PRDM11: variants seen among roughly 807,000 people sequenced by gnomAD.
The protein encoded by PRDM11 is PR domain-containing protein 11.
A neutral mutation model predicts 97.8 loss-of-function variants in PRDM11; 20 were observed. That is an observed-to-expected ratio of 0.20 (90% CI 0.14 to 0.30). PRDM11 has a LOEUF of 0.30. Ranked by LOEUF, PRDM11 falls within the 10% of genes least tolerant of loss-of-function variation. The pLI, the probability that PRDM11 is intolerant of heterozygous loss-of-function variation, is 1.00. For missense variants in PRDM11, 1,139 were observed against 1,555.2 expected (o/e 0.73, Z 4.50); for synonymous variants, 599 against 637.7 (o/e 0.94, Z 0.91).
At chr11:45,094,912 G>A (rs112292961), upstream of PRDM11, among the ~76,000 whole-genome samples, 1 of 150,326 alleles carries the variant, frequency 6.7e-6, no homozygotes, top group Non-Finnish European at 1.5e-5. Flanking sequence ...AAGAAGGAAG[G>A]GAGGGAAGGA....
intron 1 of PRDM11, among the ~76,000 whole-genome samples, chr11:45,101,414 G>A (rs1851972775): frequency 6.6e-6 from 1 of 152,068 alleles, no homozygotes; most frequent in Non-Finnish European, 1.5e-5. Flanking sequence ...AAATTAGCTG[G>A]GCATGGTGGT....
intron 1 of PRDM11, among the ~76,000 whole-genome samples, chr11:45,107,206 G>T (rs193273677): frequency 1.3e-5 from 2 of 152,296 alleles, no homozygotes; most frequent in South Asian, 2.1e-4. Flanking sequence ...CTATCTCAGG[G>T]TCTGATGGAA....
chr11:45,169,952 CAG>C (rs1350621227), intron 1 of PRDM11, among the ~76,000 whole-genome samples: 1 of 152,196 alleles, frequency 6.6e-6, no homozygotes, highest in Admixed American at 6.5e-5. Flanking sequence ...GTGAACAAAA[CAG>C]AGAAATATCT....
At chr11:45,126,636 C>A (rs944572798) in intron 1 of PRDM11, among the ~76,000 whole-genome samples, 21 of 152,278 alleles carry the variant, frequency 1.4e-4, no homozygotes, top group Admixed American at 4.6e-4. Flanking sequence ...GTTGAAAATT[C>A]TTTTCTTTAA....
chr11:45,188,542 C>T (rs1852794488), intron 4 of PRDM11, among the ~76,000 whole-genome samples: 1 of 152,242 alleles, frequency 6.6e-6, no homozygotes, highest in Admixed American at 6.5e-5. Context: ...TTTGTCTTCG[C>T]TTAACCTGGA....
intron 1 of PRDM11, among the ~76,000 whole-genome samples, chr11:45,102,398 G>C (rs1851992879): frequency 6.6e-6 from 1 of 152,194 alleles, no homozygotes; most frequent in South Asian, 2.1e-4. Flanking sequence ...GCTTTCCCGG[G>C]GAGATGCTAG....
upstream of PRDM11, among the ~76,000 whole-genome samples, chr11:45,145,897 T>C (rs147174004): frequency 5.5e-4 from 83 of 152,232 alleles, no homozygotes; most frequent in African/African-American, 1.9e-3. Context: ...TCACCCCCTC[T>C]CTGTGATGTC....
At chr11:45,123,203 T>G (rs1373989368) in intron 1 of PRDM11, among the ~76,000 whole-genome samples, 1 of 152,242 alleles carries the variant, frequency 6.6e-6, no homozygotes, top group Admixed American at 6.5e-5. Context: ...TGTCTTTTTC[T>G]TGTAAATTTG....
rs76670090 is a variant in PRDM11 at position 45,222,751 on chromosome 11, G to C, written c.743-1466G>C. On this transcript the variant is annotated intron_variant, in intron 6 of 7. Transcript: ENST00000683152. ...AAACCAGACGTGGAACATCTGGACT[G>C]CTTATTGGCAAACCCTTGGCCTTCA... is the stretch of plus-strand genomic sequence containing the variant. Among the ~76,000 whole-genome samples the C allele has an allele frequency of 1.5e-3, 226 of 152,316 alleles. 3 individuals are homozygous for C. The East Asian group carries it at 0.027, about 18-fold the overall frequency.
intron 4 of PRDM11, among the ~76,000 whole-genome samples, chr11:45,193,753 CTCT>C (rs1852999740): frequency 6.6e-6 from 1 of 152,230 alleles, no homozygotes; most frequent in African/African-American, 2.4e-5. Context: ...CAATCATTTA[CTCT>C]TGCTCACGTA....
chr11:45,196,784 T>C (rs1853138369), intron 4 of PRDM11, among the ~76,000 whole-genome samples: 1 of 152,120 alleles, frequency 6.6e-6, no homozygotes, highest in African/African-American at 2.4e-5. Context: ...AAGAAGGACT[T>C]GTGAAGGGAA....
At chr11:45,145,399 C>CCCCATCTGACCATGAACG (rs531489280), upstream of PRDM11, among the ~76,000 whole-genome samples, 2 of 152,150 alleles carry the variant, frequency 1.3e-5, no homozygotes, top group African/African-American at 4.8e-5. Flanking sequence ...CCATGAGCAC[C>CCCCATCTGACCATGAACG]CCCATCTGAC....
chr11:45,163,340 G>A (rs1056905673), intron 1 of PRDM11, among the ~76,000 whole-genome samples: 2 of 152,138 alleles, frequency 1.3e-5, no homozygotes, highest in Non-Finnish European at 2.9e-5. Flanking sequence ...TTTCAATAAC[G>A]AGCCCATCTT....
intron 4 of PRDM11, among the ~76,000 whole-genome samples, chr11:45,198,426 C>T (rs1442651513): frequency 6.6e-6 from 1 of 152,184 alleles, no homozygotes; most frequent in East Asian, 1.9e-4. Context: ...TGAGGTATGC[C>T]AAAGTGCTTC....
At chr11:45,180,846 C>T (rs1472680195) in intron 1 of PRDM11, among the ~76,000 whole-genome samples, 1 of 151,690 alleles carries the variant, frequency 6.6e-6, no homozygotes, top group Non-Finnish European at 1.5e-5. Context: ...GGGCAGCCCT[C>T]CCCTTCCCCA....
chr11:45,227,145 G>T lies in PRDM11; in HGVS notation c.2520G>T (p.Lys840Asn). 6.5e-7 allele frequency: 1 copy of T among 1,533,978 alleles called. No individual in the cohort carries two copies. Among genetic ancestry groups the T allele is most frequent in the Non-Finnish European group, 8.7e-7 (1 of 1,146,732 alleles). ...AGAACGTCCTCAACGCTCTCATCAAGGACTACCTGGAGGTGGTGGCCCATC... is the reference window on the plus strand; with the variant it reads ...AGAACGTCCTCAACGCTCTCATCAATGACTACCTGGAGGTGGTGGCCCATC... Reference protein sequence around the residue: ...GEQNVLNALIKDYLEVVAHLK... With the variant: ...GEQNVLNALINDYLEVVAHLK... Residue 840 changes from lysine (K) to asparagine (N), a missense_variant, in exon 8 of 8, where the codon AAG becomes AAT. Physicochemically the swap from Lys to Asn is moderately conservative, Grantham distance 94. Coordinates refer to ENST00000683152, the MANE Select transcript of PRDM11 (RefSeq NM_001384648.1). This position sits in a 1 kb window ranked among gnomAD's most constrained non-coding sequence, Gnocchi z 8.0.
intron 1 of PRDM11, among the ~76,000 whole-genome samples, chr11:45,175,412 T>A (rs1235186699): frequency 6.6e-6 from 1 of 152,236 alleles, no homozygotes; most frequent in Non-Finnish European, 1.5e-5. Context: ...CAGGTTGGCA[T>A]CTTTCACATA....
intron 1 of PRDM11, among the ~76,000 whole-genome samples, chr11:45,158,515 G>A (rs1276629020): frequency 1.3e-5 from 2 of 152,218 alleles, no homozygotes; most frequent in African/African-American, 4.8e-5. Context: ...TGGCTTCAGG[G>A]CCAGGAAGGC....
At chr11:45,194,242 T>C in intron 4 of PRDM11, among the ~76,000 whole-genome samples, 1 of 152,334 alleles carries the variant, frequency 6.6e-6, no homozygotes, top group Non-Finnish European at 1.5e-5. Flanking sequence ...TTGATTTTTT[T>C]AAATGAAAAC....
Sources: allele counts gnomAD v4.1 joint callset (sites outside exome capture counted in the v4.1 genomes callset), GRCh38; gene constraint gnomAD v4.1.1; non-coding constraint Gnocchi (gnomAD v3.1); transcripts MANE v1.5; gene names NCBI Gene and HGNC (gene_info 2026-07-23, HGNC 2026-07-21).